PIP5K1B: variants seen among roughly 807,000 people sequenced by gnomAD.
PIP5K1B encodes the protein phosphatidylinositol-4-phosphate 5-kinase type 1 beta.
A neutral mutation model predicts 67.0 loss-of-function variants in PIP5K1B; 42 were observed. The ratio of observed to expected loss-of-function variants is 0.63; its 90% CI spans 0.49 to 0.81. PIP5K1B has a LOEUF of 0.81. Among genes scored for constraint, PIP5K1B ranks in the 30% least tolerant of loss-of-function variants. The probability of loss-of-function intolerance (pLI) is 0.00; values close to 1 mark genes in which losing one functional copy is unlikely to be tolerated. For synonymous variants in PIP5K1B, 214 were observed against 231.4 expected, an observed-to-expected ratio of 0.92 and a Z score of 0.68; for missense variants, 459 against 646.3, an observed-to-expected ratio of 0.71 and a Z score of 3.14.
intron 14 of PIP5K1B, among the ~76,000 whole-genome samples, chr9:68,947,192 T>C (rs1827843025): frequency 6.6e-6 from 1 of 152,300 alleles, no homozygotes; most frequent in East Asian, 1.9e-4. Flanking sequence ...GTGGGGAGGC[T>C]GGAAGACTGA....
chr9:68,708,707 G>A (rs369731665), intron 1 of PIP5K1B, among the ~76,000 whole-genome samples: 3 of 152,134 alleles, frequency 2.0e-5, no homozygotes, highest in South Asian at 2.1e-4. Flanking sequence ...ATACTGTCTC[G>A]TGGTTTCAGA....
intron 1 of PIP5K1B, among the ~76,000 whole-genome samples, chr9:68,714,341 AC>A (rs143178736): frequency 1.2e-3 from 183 of 152,320 alleles, no homozygotes; most frequent in African/African-American, 4.3e-3. Flanking sequence ...CACCCTCTGC[AC>A]ACACCACATC....
intron 4 of PIP5K1B, among the ~76,000 whole-genome samples, chr9:68,824,567 A>G (rs1833890040): frequency 6.6e-6 from 1 of 152,184 alleles, no homozygotes; most frequent in Non-Finnish European, 1.5e-5. Flanking sequence ...TAATATCAGG[A>G]TCTTATTAAT....
chr9:68,824,840 T>C (rs767040864), intron 4 of PIP5K1B, among the ~76,000 whole-genome samples: 2 of 152,200 alleles, frequency 1.3e-5, no homozygotes, highest in Non-Finnish European at 2.9e-5. Flanking sequence ...CTATTGCAAA[T>C]GTGTTTATCT....
chr9:68,953,654 A>G (rs570061579), intron 14 of PIP5K1B, among the ~76,000 whole-genome samples: 56 of 151,910 alleles, frequency 3.7e-4, no homozygotes, highest in African/African-American at 1.3e-3. Context: ...CCATCCCTAC[A>G]AAAAAAATTA....
At chr9:68,843,177 T>G (rs1385874391) in intron 4 of PIP5K1B, 2 of 152,224 alleles carry the variant, frequency 1.3e-5, no homozygotes, top group African/African-American at 4.8e-5. Context: ...CCTGATCCAT[T>G]CTTTACACAA....
intron 14 of PIP5K1B, among the ~76,000 whole-genome samples, chr9:68,959,081 G>A (rs1179100871): frequency 6.6e-6 from 1 of 152,156 alleles, no homozygotes; most frequent in Non-Finnish European, 1.5e-5. Flanking sequence ...AGAAATAATT[G>A]TGAACCAAGT....
intron 15 of PIP5K1B, among the ~76,000 whole-genome samples, chr9:68,998,932 C>T (rs1206178634): frequency 6.6e-6 from 1 of 152,214 alleles, no homozygotes; most frequent in Non-Finnish European, 1.5e-5. Context: ...TTTCCAAGGC[C>T]TGCTATCACA....
intron 8 of PIP5K1B, among the ~76,000 whole-genome samples, chr9:68,901,705 G>A (rs148647977): frequency 6.6e-6 from 1 of 152,140 alleles, no homozygotes; most frequent in Non-Finnish European, 1.5e-5. Flanking sequence ...AGTTAAAGTT[G>A]GTGAACAAAT....
Position 68,934,972 on chromosome 9 carries a change from T to C in PIP5K1B, c.1284T>C (p.Ile428=). ...KATSQEIVSS[I]SQEWKDEKRD... ...CTTCACAGGAGATTGTGTCCTCAAT[T>C]AGCCAGGAATGGAAGGATGAGAAGC... Residue 428 remains isoleucine, a synonymous_variant, in exon 13 of 16, where the codon ATT becomes ATC. Coordinates refer to ENST00000265382, the MANE Select transcript of PIP5K1B (RefSeq NM_003558.4). 6.2e-7 allele frequency: 1 copy of C among 1,613,766 alleles called. No individual in the cohort carries two copies. The highest frequency in any genetic ancestry group is 8.5e-7 in the Non-Finnish European group (1 of 1,179,750).
intron 2 of PIP5K1B, among the ~76,000 whole-genome samples, chr9:68,805,662 C>T (rs747892553): frequency 2.6e-5 from 4 of 152,142 alleles, no homozygotes; most frequent in Non-Finnish European, 4.4e-5. Flanking sequence ...CTGTGACCAC[C>T]GAGCTGTCAT....
intron 1 of PIP5K1B, among the ~76,000 whole-genome samples, chr9:68,735,871 T>C (rs946098883): frequency 2.6e-5 from 4 of 152,138 alleles, no homozygotes; most frequent in Non-Finnish European, 5.9e-5. Flanking sequence ...GAATGAGCCA[T>C]GCGCATACCA....
Position 68,923,368 on chromosome 9 carries a change from G to A in PIP5K1B, c.1183G>A (p.Val395Ile), listed in dbSNP as rs1197218533. 6 of 1,580,008 alleles carry A rather than the reference G, an allele frequency of 3.8e-6. No homozygotes were observed. The East Asian group carries it at 9.0e-5, about 24-fold the overall frequency. Residue 395 changes from valine (V) to isoleucine (I), a missense_variant, in exon 12 of 16, where the codon GTT (valine) becomes ATT (isoleucine). By Grantham distance (29) the Val-to-Ile change is conservative (BLOSUM62 3). Around this residue, in one of 2 missense-constraint regions of PIP5K1B, gnomAD observed 169 missense variants for 171.9 expected, o/e 0.98. Transcript: ENST00000265382. ...DRFLKFMNSR[V>I]FKKIQALKAS... ...ATTTCTTAAGTTCATGAATTCCAGA[G>A]TTTTCAAGAAAATTCAAGGTAAGAT...
At chr9:68,853,214 A>G (rs1253795868) in intron 4 of PIP5K1B, among the ~76,000 whole-genome samples, 1 of 152,170 alleles carries the variant, frequency 6.6e-6, no homozygotes, top group Non-Finnish European at 1.5e-5. Context: ...AATCAGTCCC[A>G]CACAATACAA....
At chr9:68,994,570 A>G (rs972205169) in intron 15 of PIP5K1B, among the ~76,000 whole-genome samples, 3 of 152,190 alleles carry the variant, frequency 2.0e-5, no homozygotes, top group Admixed American at 6.6e-5. Flanking sequence ...TTTCATTTCT[A>G]GAAAGCTCCA....
rs149871486 is a variant in PIP5K1B at position 68,743,799 on chromosome 9, G to A, written c.-86+1142G>A. 6.2e-3 allele frequency among the ~76,000 whole-genome samples: 943 copies of A among 152,294 alleles called. 10 individuals are homozygous for A. The highest frequency in any genetic ancestry group is 0.021 in the African/African-American group (889 of 41,558). On this transcript the variant is annotated intron_variant, in intron 2 of 15. Transcript: ENST00000265382. ...ACACTAAGACAATGGGAGATTGAATGGGTGGAGTTAAAGAGGCCCCTGTCC... is the reference window on the plus strand; with the variant it reads ...ACACTAAGACAATGGGAGATTGAATAGGTGGAGTTAAAGAGGCCCCTGTCC...
At chr9:68,900,424 C>A (rs1041344265) in intron 8 of PIP5K1B, among the ~76,000 whole-genome samples, 13 of 152,118 alleles carry the variant, frequency 8.5e-5, no homozygotes, top group African/African-American at 3.1e-4. Context: ...TTTAAAAGAA[C>A]AATTAGGATC....
intron 4 of PIP5K1B, among the ~76,000 whole-genome samples, chr9:68,855,277 C>T (rs1309355807): frequency 6.6e-6 from 1 of 152,152 alleles, no homozygotes; most frequent in Non-Finnish European, 1.5e-5. Flanking sequence ...GCTTTTCCTC[C>T]TTCCATCTAT....
intron 2 of PIP5K1B, among the ~76,000 whole-genome samples, chr9:68,808,265 T>A (rs941856318): frequency 6.6e-6 from 1 of 152,154 alleles, no homozygotes; most frequent in African/African-American, 2.4e-5. Context: ...AGTTCAACTA[T>A]GTGAGATTAT....
Sources: allele counts gnomAD v4.1 joint callset (sites outside exome capture counted in the v4.1 genomes callset), GRCh38; gene constraint gnomAD v4.1.1; regional missense constraint gnomAD v4.1.1; transcripts MANE v1.5; gene names NCBI Gene and HGNC (gene_info 2026-07-23, HGNC 2026-07-21).